Variants in RTN4 observed in about 807,000 individuals in gnomAD.
The protein encoded by RTN4 is reticulon-4.
In RTN4, 32 loss-of-function variants were observed where a neutral mutation model predicts 90.4. That is an observed-to-expected ratio of 0.35 (90% confidence interval 0.27 to 0.48). The LOEUF (loss-of-function observed/expected upper bound fraction) is 0.48. RTN4 is among the 20% of genes least tolerant of loss of function. The pLI is 0.99. For missense variants in RTN4, 1,706 were observed against 1,430.2 expected (o/e 1.19, Z -3.11); for synonymous variants, 629 against 552.5 (o/e 1.14, Z -1.94).
intron 1 of RTN4, among the ~76,000 whole-genome samples, chr2:55,030,998 T>C (rs1682272527): frequency 6.6e-6 from 1 of 152,178 alleles, no homozygotes; most frequent in Non-Finnish European, 1.5e-5. Flanking sequence ...GTTTCAGATG[T>C]TCATTCTGTT....
chr2:55,039,234 T>C (rs939180313), intron 1 of RTN4, among the ~76,000 whole-genome samples: 6 of 152,174 alleles, frequency 3.9e-5, no homozygotes, highest in African/African-American at 1.4e-4. Context: ...GTAAAACTGT[T>C]GAAACTTAAA....
intron 1 of RTN4, among the ~76,000 whole-genome samples, chr2:55,089,625 T>C (rs1668902173): frequency 6.6e-6 from 1 of 152,256 alleles, no homozygotes; most frequent in Non-Finnish European, 1.5e-5. Context: ...TAAGTGAATG[T>C]TGTCAACTGC....
chr2:55,032,281 G>A (rs1403548033), intron 1 of RTN4, among the ~76,000 whole-genome samples: 3 of 152,144 alleles, frequency 2.0e-5, no homozygotes, highest in African/African-American at 7.2e-5. Flanking sequence ...GGTTCACTAC[G>A]TTGGCCAAGC....
At chr2:55,126,568 G>T in the RTN4 span, among the ~76,000 whole-genome samples, 1 of 152,152 alleles carries the variant, frequency 6.6e-6, no homozygotes, top group African/African-American at 2.4e-5. Context: ...ACACTTATAC[G>T]CTGTTGGTGG....
chr2:55,046,368 C>T (rs1667727118), intron 1 of RTN4, among the ~76,000 whole-genome samples: 1 of 152,174 alleles, frequency 6.6e-6, no homozygotes, highest in Non-Finnish European at 1.5e-5. Context: ...CACCTCTTCA[C>T]TCTCCCACTA....
chr2:55,122,933 T>C, the RTN4 span, among the ~76,000 whole-genome samples: 3 of 152,230 alleles, frequency 2.0e-5, no homozygotes, highest in Non-Finnish European at 4.4e-5. Flanking sequence ...AAAATACAAA[T>C]GTACACATGG....
chr2:55,129,619 T>C, the RTN4 span, among the ~76,000 whole-genome samples: 1 of 151,956 alleles, frequency 6.6e-6, no homozygotes, highest in Non-Finnish European at 1.5e-5. Flanking sequence ...TGGAGTGCAG[T>C]GGTGCTATCT....
chr2:55,074,065 T>C (rs2920883), intron 2 of RTN4, among the ~76,000 whole-genome samples: 140,185 of 152,280 alleles, frequency 0.92, 64,695 homozygotes, highest in Middle Eastern at 0.98. Flanking sequence ...GTAAACATAA[T>C]GCACTCTTGT....
At chr2:55,011,030 TTTTA>T (rs1680592233) in intron 3 of RTN4, among the ~76,000 whole-genome samples, 1 of 152,082 alleles carries the variant, frequency 6.6e-6, no homozygotes, top group Non-Finnish European at 1.5e-5. Flanking sequence ...TATAATTTTA[TTTTA>T]TTTTTTATTT....
chr2:55,012,081 A>G (rs1008264183), intron 3 of RTN4, among the ~76,000 whole-genome samples: 2 of 152,208 alleles, frequency 1.3e-5, no homozygotes, highest in African/African-American at 4.8e-5. Flanking sequence ...TTAGAATAAA[A>G]CACTCAACTA....
chr2:55,050,443 C>T lies in RTN4; in HGVS notation c.-143G>A, dbSNP rs889976634. The stretch of plus-strand genomic sequence containing the variant: ...AGGGACCTACTGTGGTGACGGCTCC[C>T]GGAACAATGAGACTGCTCCTCCTGC... On this transcript the variant is annotated 5_prime_UTR_variant, in exon 1 of 9. Transcript: ENST00000337526. This position sits in a 1 kb window ranked among gnomAD's most constrained non-coding sequence, Gnocchi z 4.6. 13 of 447,738 alleles carry T rather than the reference C, an allele frequency of 2.9e-5. No homozygotes were observed. The highest frequency in any genetic ancestry group is 8.1e-5 in the African/African-American group (4 of 49,192). The allele number at this position is 447,738 out of a possible 1,614,324, so 27.7% of individuals were successfully genotyped here.
chr2:55,104,416 G>A lies in RTN4; in HGVS notation c.-214+8104C>T, dbSNP rs187646688. On this transcript the variant is annotated intron_variant, in intron 1 of 3. Coordinates refer to the RTN4 transcript ENST00000427710. ...TGCCCAGGCTGGAGTGCAGCGTTGC[G>A]ATCTCAGCTCACTGCAACCTCCGCC... is the stretch of plus-strand genomic sequence containing the variant. Among the ~76,000 whole-genome samples the A allele has an allele frequency of 7.3e-5, 11 of 151,618 alleles. No homozygotes were observed. In the East Asian group the frequency reaches 7.8e-4, roughly 11 times the overall value.
At chr2:55,002,199 T>A (rs547816993) in intron 3 of RTN4, among the ~76,000 whole-genome samples, 1 of 151,798 alleles carries the variant, frequency 6.6e-6, no homozygotes, top group Non-Finnish European at 1.5e-5. Flanking sequence ...GCTGGGACCA[T>A]AGGCGTGCAC....
intron 1 of RTN4, among the ~76,000 whole-genome samples, chr2:55,044,609 G>A (rs1310209175): frequency 2.0e-5 from 3 of 151,864 alleles, no homozygotes; most frequent in South Asian, 2.1e-4. Flanking sequence ...TGGACAATAG[G>A]TAACATGCTC....
intron 1 of RTN4, among the ~76,000 whole-genome samples, chr2:55,097,676 T>C (rs1003925531): frequency 1.3e-5 from 2 of 152,004 alleles, no homozygotes; most frequent in African/African-American, 2.4e-5. Context: ...TTCATAAACA[T>C]TGGGAATATG....
At chr2:55,137,707 G>C in the RTN4 span, among the ~76,000 whole-genome samples, 1 of 152,108 alleles carries the variant, frequency 6.6e-6, no homozygotes, top group African/African-American at 2.4e-5. Context: ...TACCAGCTCA[G>C]TCTCCCCCAT....
chr2:54,996,743 T>G (rs1242885971), intron 3 of RTN4, among the ~76,000 whole-genome samples: 1 of 152,210 alleles, frequency 6.6e-6, no homozygotes, highest in Non-Finnish European at 1.5e-5. Flanking sequence ...CTCTTTTATC[T>G]TTGTTTCTTA....
intron 1 of RTN4, among the ~76,000 whole-genome samples, chr2:55,102,702 G>A (rs1667872645): frequency 6.6e-6 from 1 of 151,862 alleles, no homozygotes; most frequent in South Asian, 2.1e-4. Flanking sequence ...AAGGGTAGGA[G>A]GTAGGAGAGG....
At chr2:55,095,255 C>A (rs528303749) in intron 1 of RTN4, among the ~76,000 whole-genome samples, 13 of 151,426 alleles carry the variant, frequency 8.6e-5, no homozygotes, top group African/African-American at 3.2e-4. Flanking sequence ...ACCTGGCAGG[C>A]GGAAATTGCA....
Sources: allele counts gnomAD v4.1 joint callset (sites outside exome capture counted in the v4.1 genomes callset), GRCh38; gene constraint gnomAD v4.1.1; non-coding constraint Gnocchi (gnomAD v3.1); transcripts MANE v1.5; gene names NCBI Gene and HGNC (gene_info 2026-07-23, HGNC 2026-07-21).